Variants in ULK4 observed in about 807,000 individuals in gnomAD.
The protein encoded by ULK4 is inactive serine/threonine-protein kinase ULK4.
In ULK4, 133 loss-of-function variants were observed where a neutral mutation model predicts 160.6. The observed-to-expected ratio is 0.83, with a 90% CI of 0.72 to 0.96. The LOEUF is 0.96. Among genes scored for constraint, ULK4 ranks in the 40% least tolerant of loss-of-function variants. The probability of loss-of-function intolerance (pLI) is 0.00; values close to 1 mark genes in which losing one functional copy is unlikely to be tolerated. For synonymous variants in ULK4, 534 were observed against 539.8 expected, an observed-to-expected ratio of 0.99 and a Z score of 0.15; for missense variants, 1,580 against 1,499.5, an observed-to-expected ratio of 1.05 and a Z score of -0.89.
chr3:41,926,794 T>C (rs1272976742), intron 5 of ULK4, among the ~76,000 whole-genome samples: 1 of 149,356 alleles, frequency 6.7e-6, no homozygotes, highest in African/African-American at 2.6e-5. Context: ...AAGACAAGGT[T>C]AGAGAAAAAA....
intron 5 of ULK4, among the ~76,000 whole-genome samples, chr3:41,922,732 C>T (rs1197369350): frequency 1.3e-5 from 2 of 151,702 alleles, no homozygotes; most frequent in South Asian, 2.1e-4. Flanking sequence ...TTACAGGAAG[C>T]GTCTATGAGA....
At chr3:41,583,537 A>G (rs1043212541) in intron 31 of ULK4, among the ~76,000 whole-genome samples, 1 of 152,158 alleles carries the variant, frequency 6.6e-6, no homozygotes, top group African/African-American at 2.4e-5. Context: ...CAACAGTAAC[A>G]TATTACCTGC....
chr3:41,434,352 T>A (rs2082985412), intron 34 of ULK4, among the ~76,000 whole-genome samples: 1 of 152,152 alleles, frequency 6.6e-6, no homozygotes, highest in African/African-American at 2.4e-5. Context: ...TAAAATATAT[T>A]GAGAAATGGG....
intron 21 of ULK4, among the ~76,000 whole-genome samples, chr3:41,771,099 TA>T (rs1428658064): frequency 2.6e-5 from 4 of 152,212 alleles, no homozygotes; most frequent in African/African-American, 4.8e-5. Context: ...TAATACGGCT[TA>T]CCATAAGAAT....
In ULK4 at chr3:41,463,101, G is replaced by A. The variant is rs748255630; in HGVS notation, c.3379C>T (p.Arg1127Trp). 52 of 1,613,256 alleles carry A rather than the reference G, an allele frequency of 3.2e-5. No homozygotes were observed. Among genetic ancestry groups the A allele is most frequent in the South Asian group, 2.9e-4 (26 of 91,022 alleles). The change falls in exon 33 of 37, where the codon CGG (arginine) becomes TGG (tryptophan). Residue 1127 changes from arginine (R) to tryptophan (W), a missense_variant. Transcript: ENST00000301831. ...SMLTYTSGIVRLALQAQKSGS... is the reference protein window; with the variant it reads ...SMLTYTSGIVWLALQAQKSGS... ...AGATCCTCTACCTGCAAAGCCAGCCGTACAATACCGGAGGTATAGGTCAGC... is the reference window on the plus strand; with the variant it reads ...AGATCCTCTACCTGCAAAGCCAGCCATACAATACCGGAGGTATAGGTCAGC...
At chr3:41,889,496 T>C (rs186375526) in intron 16 of ULK4, among the ~76,000 whole-genome samples, 1 of 152,060 alleles carries the variant, frequency 6.6e-6, no homozygotes, top group African/African-American at 2.4e-5. Context: ...AGAATTTGCA[T>C]GGACACAAAG....
intron 35 of ULK4, among the ~76,000 whole-genome samples, chr3:41,254,298 C>T (rs1294401199): frequency 2.0e-5 from 3 of 152,182 alleles, no homozygotes; most frequent in Admixed American, 6.5e-5. Flanking sequence ...AAAATATATT[C>T]TCTGACCATA....
intron 35 of ULK4, among the ~76,000 whole-genome samples, chr3:41,393,821 A>G (rs1166872274): frequency 2.0e-5 from 3 of 152,170 alleles, no homozygotes; most frequent in Non-Finnish European, 4.4e-5. Flanking sequence ...CAGAACTCAG[A>G]TCAGTCCTTG....
At chr3:41,420,621 T>C (rs2082642770) in intron 34 of ULK4, among the ~76,000 whole-genome samples, 1 of 151,254 alleles carries the variant, frequency 6.6e-6, no homozygotes, top group Non-Finnish European at 1.5e-5. Context: ...CAGCTGAGAT[T>C]ACACAGGCAC....
At chr3:41,394,732 A>C (rs765656989) in intron 35 of ULK4, among the ~76,000 whole-genome samples, 17 of 152,146 alleles carry the variant, frequency 1.1e-4, no homozygotes, top group Non-Finnish European at 2.2e-4. Flanking sequence ...ACTGAGCTTC[A>C]GGATGGGCAA....
chr3:41,566,495 C>G (rs1000658139), intron 31 of ULK4, among the ~76,000 whole-genome samples: 12 of 152,166 alleles, frequency 7.9e-5, no homozygotes, highest in African/African-American at 2.4e-4. Context: ...CTACTTCAAG[C>G]AAATATTTAT....
intron 21 of ULK4, among the ~76,000 whole-genome samples, chr3:41,788,694 AAAAAAGAAAAAAAG>A (rs2040065856): frequency 6.8e-6 from 1 of 147,800 alleles, no homozygotes; most frequent in Admixed American, 6.8e-5. Flanking sequence ...CATCTCAAAA[AAAAAAGAAAAAAAG>A]AAAAAGAAAA....
intron 32 of ULK4, among the ~76,000 whole-genome samples, chr3:41,515,756 C>A (rs138919644): frequency 6.6e-6 from 1 of 152,184 alleles, no homozygotes; most frequent in Admixed American, 6.5e-5. Context: ...TTACTTCCAC[C>A]TAGTCCCACC....
intron 31 of ULK4, among the ~76,000 whole-genome samples, chr3:41,606,635 T>C (rs2032396617): frequency 6.6e-6 from 1 of 152,062 alleles, no homozygotes; most frequent in Non-Finnish European, 1.5e-5. Context: ...CAGCACTTGT[T>C]ATTTTTTGTC....
At chr3:41,324,404 A>G (rs1441874364) in intron 35 of ULK4, among the ~76,000 whole-genome samples, 1 of 152,178 alleles carries the variant, frequency 6.6e-6, no homozygotes, top group Admixed American at 6.5e-5. Flanking sequence ...AGCTATACAA[A>G]TGTCTGTGTA....
chr3:41,518,250 T>C (rs2085816587), intron 32 of ULK4, among the ~76,000 whole-genome samples: 1 of 152,186 alleles, frequency 6.6e-6, no homozygotes, highest in Non-Finnish European at 1.5e-5. Context: ...GATCATTTTA[T>C]TGTTTGCCAA....
At chr3:41,786,335 C>T (rs575919115) in intron 21 of ULK4, among the ~76,000 whole-genome samples, 3 of 152,254 alleles carry the variant, frequency 2.0e-5, no homozygotes, top group African/African-American at 7.2e-5. Flanking sequence ...GGAATGGTGG[C>T]TCACACCTGT....
At chr3:41,247,861 C>T (rs1343794344) in intron 36 of ULK4, among the ~76,000 whole-genome samples, 3 of 152,222 alleles carry the variant, frequency 2.0e-5, no homozygotes, top group South Asian at 4.1e-4. Flanking sequence ...GAGAACAATG[C>T]CATCCACTCA....
chr3:41,323,427 CA>C (rs2080283928), intron 35 of ULK4, among the ~76,000 whole-genome samples: 3 of 149,392 alleles, frequency 2.0e-5, no homozygotes, highest in African/African-American at 7.6e-5. Flanking sequence ...CACACACACA[CA>C]CACACACACA....
Sources: gnomAD v4.1 joint callset for allele counts (sites outside exome capture counted in the v4.1 genomes callset) on GRCh38, gnomAD v4.1.1 for gene constraint, MANE v1.5 for transcripts, NCBI Gene and HGNC (gene_info 2026-07-23, HGNC 2026-07-21) for gene names.